The following OBI1 variants were observed in gnomAD, a reference collection of about 807,000 sequenced individuals.
OBI1 encodes the protein ORC ubiquitin ligase 1, also known as ring finger protein 219.
In OBI1, 59 loss-of-function variants were observed where a neutral mutation model predicts 62.4. The observed-to-expected ratio is 0.95, with a 90% confidence interval of 0.77 to 1.17. The LOEUF (loss-of-function observed/expected upper bound fraction) is 1.17. Among genes scored for constraint, OBI1 ranks in the 50% most tolerant of loss-of-function variants. The probability of loss-of-function intolerance (pLI) is 0.00; values close to 1 mark genes in which losing one functional copy is unlikely to be tolerated. For missense variants in OBI1, 875 were observed against 830.9 expected, an observed-to-expected ratio of 1.05 and a Z score of -0.65; for synonymous variants, 302 against 292.8, an observed-to-expected ratio of 1.03 and a Z score of -0.32.
chr13:78,635,091 C>T lies in OBI1; in HGVS notation c.638+19G>A. 2 of 1,512,184 alleles carry T rather than the reference C, an allele frequency of 1.3e-6. No homozygotes were observed. The highest frequency in any genetic ancestry group is 1.8e-5 in the Admixed American group (1 of 54,386). 93.7% of individuals were successfully genotyped at this position (1,512,184 alleles called of 1,614,324 possible). A position where few individuals can be genotyped will look rare whatever the true frequency, so the allele number is the denominator to read the frequency against. Reference sequence around the variant, plus strand: ...TATTGACATAATCTGAAGCATTGCTCTGGGAGCAAAATACATACTTTTGAG... The same window carrying T: ...TATTGACATAATCTGAAGCATTGCTTTGGGAGCAAAATACATACTTTTGAG... On this transcript the variant is annotated intron_variant, in intron 5 of 5. Transcript: ENST00000282003.
At chr13:78,622,575 G>A (rs547298185) in intron 5 of OBI1, among the ~76,000 whole-genome samples, 1,523 of 152,240 alleles carry the variant, frequency 0.01, 24 homozygotes, top group African/African-American at 0.034. Flanking sequence ...GAAATATTAG[G>A]AAAGTATCTT....
intron 5 of OBI1, among the ~76,000 whole-genome samples, chr13:78,627,028 T>G (rs112862610): frequency 1.9e-3 from 288 of 152,230 alleles, no homozygotes; most frequent in African/African-American, 6.4e-3. Flanking sequence ...ATGGTGCCAC[T>G]GCACTCCAGC....
chr13:78,643,641 A>G (rs1876286698), intron 2 of OBI1, among the ~76,000 whole-genome samples: 1 of 152,120 alleles, frequency 6.6e-6, no homozygotes, highest in Non-Finnish European at 1.5e-5. Flanking sequence ...ATACAAAATT[A>G]GCCGGGCGTG....
intron 5 of OBI1, among the ~76,000 whole-genome samples, chr13:78,622,087 A>G (rs1327486014): frequency 6.6e-6 from 1 of 152,216 alleles, no homozygotes; most frequent in Admixed American, 6.5e-5. Flanking sequence ...GTAATTGATA[A>G]TAAGAGTTAA....
chr13:78,619,278 T>G (rs1417403440), intron 5 of OBI1, among the ~76,000 whole-genome samples: 1 of 151,926 alleles, frequency 6.6e-6, no homozygotes, highest in Non-Finnish European at 1.5e-5. Context: ...GCTTGGAATT[T>G]CAAATATAGT....
chr13:78,652,883 G>C (rs116711769), intron 1 of OBI1, among the ~76,000 whole-genome samples: 1,545 of 152,268 alleles, frequency 0.01, 28 homozygotes, highest in African/African-American at 0.035. Flanking sequence ...TGAGACTGGA[G>C]ACTCCTGCCC....
At chr13:78,656,197 G>A (rs781095745) in intron 1 of OBI1, among the ~76,000 whole-genome samples, 37 of 152,186 alleles carry the variant, frequency 2.4e-4, no homozygotes, top group Non-Finnish European at 4.9e-4. Context: ...CTTTGCACAT[G>A]CTTTGTTTAA....
chr13:78,646,764 C>A (rs12585725), intron 1 of OBI1, among the ~76,000 whole-genome samples: 25,661 of 151,936 alleles, frequency 0.17, 3,004 homozygotes, highest in East Asian at 0.22. Flanking sequence ...GGGGCCCCCA[C>A]CTCTCAAAGA....
chr13:78,615,259 C>A lies in OBI1; in HGVS notation c.*321G>T. The A allele has an allele frequency of 4.7e-6, 1 of 211,832 alleles. No individual in the cohort carries two copies. Among genetic ancestry groups the A allele is most frequent in the South Asian group, 1.3e-4 (1 of 7,754 alleles). 13.1% of individuals were successfully genotyped at this position (211,832 alleles called of 1,614,324 possible). A position where few individuals can be genotyped will look rare whatever the true frequency, so the allele number is the denominator to read the frequency against. On this transcript the variant is annotated 3_prime_UTR_variant, in exon 6 of 6. Coordinates refer to ENST00000282003, the MANE Select transcript of OBI1 (RefSeq NM_024546.4). ...ATTTTTTAAAAAAACAATGTATATC[C>A]AACCGAGATACATATCAAATTCAGT...
chr13:78,652,785 C>T (rs994171435), intron 1 of OBI1, among the ~76,000 whole-genome samples: 7 of 152,254 alleles, frequency 4.6e-5, no homozygotes, highest in East Asian at 3.9e-4. Context: ...GGAGGCAGAG[C>T]TCAGGTGGTA....
In OBI1 at chr13:78,642,329, A is replaced by T. The variant is rs201127226; in HGVS notation, c.209-116T>A. 2.2e-5 allele frequency: 14 copies of T among 643,944 alleles called. No individual in the cohort carries two copies. The East Asian group carries it at 3.8e-4, about 18-fold the overall frequency. The allele number at this position is 643,944 out of a possible 1,614,324, so 39.9% of individuals were successfully genotyped here. On this transcript the variant is annotated intron_variant, in intron 2 of 5. Coordinates refer to ENST00000282003, the MANE Select transcript of OBI1 (RefSeq NM_024546.4). ...CAGCTTCACATCTACCCTTCCCCTTACATACACACTTGGGGCTTACATCTA... is the reference window on the plus strand; with the variant it reads ...CAGCTTCACATCTACCCTTCCCCTTTCATACACACTTGGGGCTTACATCTA...
chr13:78,642,515 C>G (rs559514677), intron 2 of OBI1, among the ~76,000 whole-genome samples: 1 of 152,332 alleles, frequency 6.6e-6, no homozygotes, highest in Non-Finnish European at 1.5e-5. Flanking sequence ...TGGACTACTT[C>G]AAATTCTGAA....
intron 1 of OBI1, among the ~76,000 whole-genome samples, chr13:78,655,332 G>A (rs187882810): frequency 1.8e-4 from 13 of 71,644 alleles, no homozygotes; most frequent in Admixed American, 7.4e-4. Context: ...ACTAGTTTAA[G>A]AAACAAACAA....
intron 5 of OBI1, among the ~76,000 whole-genome samples, chr13:78,632,074 C>T (rs948671304): frequency 2.0e-5 from 3 of 152,034 alleles, no homozygotes; most frequent in African/African-American, 7.2e-5. Context: ...CATGTCCTCA[C>T]CCTCCCCTCC....
At chr13:78,657,541 G>A (rs983901558) in intron 1 of OBI1, among the ~76,000 whole-genome samples, 2 of 152,088 alleles carry the variant, frequency 1.3e-5, no homozygotes, top group Admixed American at 1.3e-4. Flanking sequence ...AATAATATAT[G>A]CATACAAAAG....
At chr13:78,654,463 ACATGGGCTC>A (rs1876638545) in intron 1 of OBI1, among the ~76,000 whole-genome samples, 1 of 152,206 alleles carries the variant, frequency 6.6e-6, no homozygotes, top group South Asian at 2.1e-4. Flanking sequence ...CAGGACTCAA[ACATGGGCTC>A]CATGTACTGA....
intron 5 of OBI1, among the ~76,000 whole-genome samples, chr13:78,630,084 C>T (rs891098750): frequency 3.9e-5 from 6 of 152,128 alleles, no homozygotes; most frequent in African/African-American, 1.2e-4. Context: ...TCCTTCAAAG[C>T]TGGGCTTAAG....
chr13:78,654,614 C>A (rs1009104429), intron 1 of OBI1, among the ~76,000 whole-genome samples: 1 of 152,056 alleles, frequency 6.6e-6, no homozygotes, highest in African/African-American at 2.4e-5. Flanking sequence ...TTTAAATAAA[C>A]AATATGGGTG....
At chr13:78,621,283 TTAA>T (rs747746560) in intron 5 of OBI1, among the ~76,000 whole-genome samples, 20 of 152,236 alleles carry the variant, frequency 1.3e-4, no homozygotes, top group Non-Finnish European at 2.4e-4. Flanking sequence ...CACACCATTA[TTAA>T]TGAGTAACTG....
Sources: gnomAD v4.1 joint callset for allele counts (sites outside exome capture counted in the v4.1 genomes callset) on GRCh38, gnomAD v4.1.1 for gene constraint, MANE v1.5 for transcripts, NCBI Gene and HGNC (gene_info 2026-07-23, HGNC 2026-07-21) for gene names.